The following CDHR3 variants were observed in gnomAD, a reference collection of about 807,000 sequenced individuals.
The protein encoded by CDHR3 is cadherin related family member 3, also known as cadherin-related family member 3.
In CDHR3, 79 loss-of-function variants were observed where a neutral mutation model predicts 86.6. The observed-to-expected ratio is 0.91, with a 90% CI of 0.76 to 1.10. The LOEUF (loss-of-function observed/expected upper bound fraction) is 1.10, where lower values mean the gene tolerates loss of function less well. CDHR3 is among the 50% of genes least tolerant of loss of function. The pLI, the probability that CDHR3 is intolerant of heterozygous loss-of-function variation, is 0.00. For missense variants in CDHR3, 1,081 were observed against 1,077.6 expected, an observed-to-expected ratio of 1.00 and a Z score of -0.04; for synonymous variants, 421 against 402.4, an observed-to-expected ratio of 1.05 and a Z score of -0.55.
Position 106,009,210 on chromosome 7 carries a change from A to G in CDHR3, c.1053-3650A>G, listed in dbSNP as rs17152469. On this transcript the variant is annotated intron_variant, in intron 8 of 18. Transcript: ENST00000317716. ...TCAAGTTCCCTCTTTGGGCTCTTCT[A>G]GCGGGAGGAACTCTCAGCCACCCTA... 6.5e-3 allele frequency among the ~76,000 whole-genome samples: 989 copies of G among 152,270 alleles called. 15 individuals are homozygous for G. The highest frequency in any genetic ancestry group is 0.023 in the African/African-American group (948 of 41,550).
chr7:105,963,495 T>C (rs1033864504), intron 1 of CDHR3, 131 bp downstream of exon 1: 46 of 928,238 alleles, frequency 5.0e-5, no homozygotes, highest in Non-Finnish European at 3.8e-5. Context: ...GCTGCAGTAA[T>C]GAATGAGGTG....
intron 1 of CDHR3, among the ~76,000 whole-genome samples, chr7:105,971,513 A>G (rs1453694274): frequency 6.6e-6 from 1 of 152,216 alleles, no homozygotes; most frequent in African/African-American, 2.4e-5. Context: ...AGGAGACATC[A>G]TGGAGCTGTC....
chr7:106,020,604 G>C (rs1563298749), intron 13 of CDHR3, 60 bp downstream of exon 13: 1 of 1,556,438 alleles, frequency 6.4e-7, no homozygotes, highest in Non-Finnish European at 8.7e-7. Flanking sequence ...AGTTGTCTAG[G>C]GTAGGGGTCT....
In CDHR3 at chr7:106,030,572, C is replaced by G. The variant is rs1838178232; in HGVS notation, c.2305-220C>G. 1.3e-5 allele frequency among the ~76,000 whole-genome samples: 2 copies of G among 152,236 alleles called. No individual in the cohort carries two copies. Among genetic ancestry groups the G allele is most frequent in the Non-Finnish European group, 2.9e-5 (2 of 68,046 alleles). On this transcript the variant is annotated intron_variant, in intron 17 of 18. Transcript: ENST00000317716. This position sits in a 1 kb window ranked among gnomAD's most constrained non-coding sequence, Gnocchi z 4.8. ...ATCTCCCCATCATAGCCTTATTACT[C>G]TGCATTGCAGCACCTGTTTGTAATT...
chr7:106,029,179 C>T (rs558986510), intron 17 of CDHR3, among the ~76,000 whole-genome samples: 1 of 152,136 alleles, frequency 6.6e-6, no homozygotes, highest in Non-Finnish European at 1.5e-5. Context: ...TGGGGTTTCA[C>T]CATGTTGGCC....
At chr7:105,980,621 T>A (rs1291602892) in intron 2 of CDHR3, among the ~76,000 whole-genome samples, 41 of 56,120 alleles carry the variant, frequency 7.3e-4, no homozygotes, top group African/African-American at 2.3e-3. Context: ...TTTTTTTTTT[T>A]AATTTTTTTT....
At chr7:105,970,627 C>T (rs1413340229) in intron 1 of CDHR3, among the ~76,000 whole-genome samples, 2 of 152,162 alleles carry the variant, frequency 1.3e-5, no homozygotes, top group African/African-American at 4.8e-5. Context: ...TCTAATCTTC[C>T]CTCTGCCATT....
chr7:106,033,759 T>G lies in CDHR3; in HGVS notation c.*1062T>G, dbSNP rs895039957. On this transcript the variant is annotated 3_prime_UTR_variant, in exon 19 of 19. Transcript: ENST00000317716. ...CCATCTCAGAAAAAAAAAATAAAAG[T>G]GAATTACAACACTATGAACTTTCTT... 1 of 151,940 alleles carries G rather than the reference T, an allele frequency of 6.6e-6. No individual in the cohort carries two copies. Among genetic ancestry groups the G allele is most frequent in the Non-Finnish European group, 1.5e-5 (1 of 67,974 alleles). The allele number at this position is 151,940 out of a possible 1,614,324, so 9.4% of individuals were successfully genotyped here. A position where few individuals can be genotyped will look rare whatever the true frequency, so the allele number is the denominator to read the frequency against.
chr7:106,027,885 G>C (rs981839859), intron 16 of CDHR3, among the ~76,000 whole-genome samples: 7 of 152,218 alleles, frequency 4.6e-5, no homozygotes, highest in Non-Finnish European at 7.4e-5. Context: ...AGCACTCTGG[G>C]AGGCCAAGGC....
rs561190035 is a variant in CDHR3, at chr7:106,002,491, T to C, written c.862+881T>C. 7.2e-5 allele frequency among the ~76,000 whole-genome samples: 11 copies of C among 152,330 alleles called. No individual in the cohort carries two copies. The South Asian group carries it at 1.2e-3, about 17-fold the overall frequency. On this transcript the variant is annotated intron_variant, in intron 7 of 18. Transcript: ENST00000317716. ...ATAGGATGTTCCTTTCCTCCAGTTA[T>C]AGGTAGGTTACCTCTGGAATGAAGC...
intron 8 of CDHR3, among the ~76,000 whole-genome samples, chr7:106,005,038 G>A (rs1833759755): frequency 6.6e-6 from 1 of 152,118 alleles, no homozygotes; most frequent in Admixed American, 6.5e-5. Flanking sequence ...TTATTGCCAC[G>A]GGTGGCAAGA....
intron 18 of CDHR3, 124 bp from the exon 19 acceptor site, chr7:106,032,269 A>T: frequency 1.1e-6 from 1 of 923,870 alleles, no homozygotes; most frequent in Non-Finnish European, 1.6e-6. Flanking sequence ...TGTGTCAGTG[A>T]TTCACACCTT....
At chr7:105,976,982 C>CTTTTTTT (rs11334460) in intron 2 of CDHR3, among the ~76,000 whole-genome samples, 1 of 128,448 alleles carries the variant, frequency 7.8e-6, no homozygotes, top group African/African-American at 2.9e-5. Flanking sequence ...TACCTGATCT[C>CTTTTTTT]TTTTTTTTTT....
chr7:105,992,518 A>T (rs1296888461), intron 4 of CDHR3, among the ~76,000 whole-genome samples: 1 of 152,198 alleles, frequency 6.6e-6, no homozygotes, highest in Non-Finnish European at 1.5e-5. Flanking sequence ...GTGCTTGCAC[A>T]ATCTGTGGGG....
intron 7 of CDHR3, among the ~76,000 whole-genome samples, chr7:106,003,288 T>C (rs970980065): frequency 1.3e-5 from 2 of 152,210 alleles, no homozygotes; most frequent in African/African-American, 2.4e-5. Context: ...TGACTAGTGG[T>C]AACTGTATGG....
chr7:105,989,047 A>G (rs538680998), intron 4 of CDHR3, among the ~76,000 whole-genome samples: 9 of 152,300 alleles, frequency 5.9e-5, no homozygotes, highest in African/African-American at 2.2e-4. Flanking sequence ...GCACAGGCTT[A>G]GATCTAGCAT....
chr7:106,008,143 C>A (rs1468986064), intron 8 of CDHR3, among the ~76,000 whole-genome samples: 2 of 152,208 alleles, frequency 1.3e-5, no homozygotes, highest in African/African-American at 4.8e-5. Flanking sequence ...TTTCCTCCTA[C>A]TGGGTCCCTC....
At chr7:106,010,775 G>GA (rs148051787) in intron 8 of CDHR3, among the ~76,000 whole-genome samples, 3,191 of 152,330 alleles carry the variant, frequency 0.021, 114 homozygotes, top group African/African-American at 0.072. Context: ...GCCTGTGGCA[G>GA]AAAATGGGGA....
intron 8 of CDHR3, among the ~76,000 whole-genome samples, chr7:106,012,405 G>C (rs1450210594): frequency 6.6e-6 from 1 of 152,102 alleles, no homozygotes; most frequent in Non-Finnish European, 1.5e-5. Flanking sequence ...GAGTATTTGT[G>C]GGGAGAGGAT....
Sources: gnomAD v4.1 joint callset for allele counts (sites outside exome capture counted in the v4.1 genomes callset) on GRCh38, gnomAD v4.1.1 for gene constraint, Gnocchi (gnomAD v3.1) non-coding constraint, MANE v1.5 for transcripts, NCBI Gene and HGNC (gene_info 2026-07-23, HGNC 2026-07-21) for gene names.